Variants in CPA6 observed in about 807,000 individuals in gnomAD.
The protein encoded by CPA6 is carboxypeptidase B.
In CPA6, 58 loss-of-function variants were observed where a neutral mutation model predicts 63.3. The ratio of observed to expected loss-of-function variants is 0.92; its 90% CI spans 0.74 to 1.14. The LOEUF is 1.14. Among genes scored for constraint, CPA6 ranks in the 50% most tolerant of loss-of-function variants. The pLI, the probability that CPA6 is intolerant of heterozygous loss-of-function variation, is 0.00. For synonymous variants in CPA6, 185 were observed against 179.0 expected, an observed-to-expected ratio of 1.03 and a Z score of -0.27; for missense variants, 565 against 526.6, an observed-to-expected ratio of 1.07 and a Z score of -0.71.
chr8:67,709,170 G>A (rs1421958343), intron 1 of CPA6, among the ~76,000 whole-genome samples: 2 of 152,146 alleles, frequency 1.3e-5, no homozygotes, highest in African/African-American at 4.8e-5. Flanking sequence ...CACTGCGTAT[G>A]CGGCCCCTGT....
rs1252511446 is a variant in CPA6, at chr8:67,434,202, A to G, written c.877T>C (p.Cys293Arg). Residue 293 changes from cysteine (C) to arginine (R), a missense_variant, in exon 9 of 11, where the codon TGT becomes CGT. Cys to Arg is a radical substitution (Grantham distance 180). Transcript: ENST00000297770. ...GGCTCAGATTCTGGAAAAGGGCCAC[A>G]GTATGTGTCATCACAAGGGTGCATA... ...ASMHPCDDTY[C>R]GPFPESEPEV... 13 of 1,614,068 alleles carry G rather than the reference A, an allele frequency of 8.1e-6. No homozygotes were observed. Among genetic ancestry groups the G allele is most frequent in the Non-Finnish European group, 1.1e-5 (13 of 1,180,050 alleles).
chr8:67,646,524 T>C (rs776541290), intron 1 of CPA6, among the ~76,000 whole-genome samples: 1 of 151,998 alleles, frequency 6.6e-6, no homozygotes, highest in Non-Finnish European at 1.5e-5. Flanking sequence ...TGCTGTGGAG[T>C]TGTCAAGGAG....
At position 67,453,607 on chromosome 8, in the gene CPA6, A is replaced by G. The variant is rs1810605084; in HGVS notation, c.839-19367T>C. Reference sequence around the variant, plus strand: ...AAGGGAATGAATGTAGATAGAGAAGAGAAAAAGACAAAGGCTGAACCCTGG... The same window carrying G: ...AAGGGAATGAATGTAGATAGAGAAGGGAAAAAGACAAAGGCTGAACCCTGG... On this transcript the variant is annotated intron_variant, in intron 8 of 10. Transcript: ENST00000297770. 2.0e-5 allele frequency among the ~76,000 whole-genome samples: 3 copies of G among 152,316 alleles called. No homozygotes were observed. In the South Asian group the frequency reaches 6.2e-4, roughly 32 times the overall value.
At chr8:67,688,583 T>A (rs1303008011) in intron 1 of CPA6, among the ~76,000 whole-genome samples, 1 of 152,162 alleles carries the variant, frequency 6.6e-6, no homozygotes, top group African/African-American at 2.4e-5. Flanking sequence ...GCTATATCAT[T>A]AATGCTGAGG....
chr8:67,535,818 C>G (rs1318786158), intron 2 of CPA6, among the ~76,000 whole-genome samples: 5 of 152,102 alleles, frequency 3.3e-5, no homozygotes, highest in African/African-American at 4.8e-5. Flanking sequence ...AGGTTTTCTT[C>G]TAGGGTTTTT....
chr8:67,528,559 T>C (rs879730788), intron 2 of CPA6, among the ~76,000 whole-genome samples: 1 of 152,138 alleles, frequency 6.6e-6, no homozygotes, highest in Non-Finnish European at 1.5e-5. Flanking sequence ...AGTCTAGACA[T>C]AGACCCTCCA....
chr8:67,552,076 TTC>T (rs1400084875), intron 2 of CPA6, among the ~76,000 whole-genome samples: 1 of 152,334 alleles, frequency 6.6e-6, no homozygotes, highest in African/African-American at 2.4e-5. Context: ...TGTTAAAAAA[TTC>T]TCTTAGTTCT....
chr8:67,539,461 A>G lies in CPA6; in HGVS notation c.193-21414T>C, dbSNP rs567424053. 2.6e-5 allele frequency among the ~76,000 whole-genome samples: 4 copies of G among 152,228 alleles called. No individual in the cohort carries two copies. In the East Asian group the frequency reaches 7.7e-4, roughly 29 times the overall value. On this transcript the variant is annotated intron_variant, in intron 2 of 10. Transcript: ENST00000297770. ...CTTGATTTCAACCTTGGTGAATCTG[A>G]CAATTATGTGTCTTGGGGTAGCTCT...
intron 8 of CPA6, among the ~76,000 whole-genome samples, chr8:67,453,683 T>C (rs961702257): frequency 6.6e-6 from 1 of 151,104 alleles, no homozygotes; most frequent in Admixed American, 6.6e-5. Flanking sequence ...CAAAATAGAT[T>C]TGGCGTCTTC....
chr8:67,672,173 G>A (rs1816362719), intron 1 of CPA6, among the ~76,000 whole-genome samples: 1 of 152,042 alleles, frequency 6.6e-6, no homozygotes, highest in African/African-American at 2.4e-5. Context: ...TTCATTATCA[G>A]TTTAATGGCA....
chr8:67,546,977 A>G (rs1056347974), intron 2 of CPA6, among the ~76,000 whole-genome samples: 8 of 152,222 alleles, frequency 5.3e-5, no homozygotes, highest in African/African-American at 1.9e-4. Context: ...GGTGTGAGCC[A>G]CTGCACCCAG....
intron 1 of CPA6, among the ~76,000 whole-genome samples, chr8:67,696,697 A>G (rs1319487272): frequency 6.6e-6 from 1 of 151,538 alleles, no homozygotes; most frequent in Non-Finnish European, 1.5e-5. Flanking sequence ...GGATTGAACA[A>G]GCTACAAATA....
chr8:67,517,038 C>T (rs771436840), intron 3 of CPA6, among the ~76,000 whole-genome samples: 1 of 152,148 alleles, frequency 6.6e-6, no homozygotes, highest in African/African-American at 2.4e-5. Context: ...CTCAGGTGAT[C>T]TGACCACCTC....
At chr8:67,592,079 G>C (rs1814143503) in intron 2 of CPA6, among the ~76,000 whole-genome samples, 1 of 152,162 alleles carries the variant, frequency 6.6e-6, no homozygotes, top group African/African-American at 2.4e-5. Context: ...CCAATTTATT[G>C]AGAGTTTTTA....
At chr8:67,524,009 A>C (rs1449330980) in intron 2 of CPA6, among the ~76,000 whole-genome samples, 1 of 152,230 alleles carries the variant, frequency 6.6e-6, no homozygotes, top group Non-Finnish European at 1.5e-5. Flanking sequence ...CTTGATATCA[A>C]GTTTGTCTTC....
intron 2 of CPA6, among the ~76,000 whole-genome samples, chr8:67,607,109 C>T (rs1314118177): frequency 4.1e-5 from 2 of 48,462 alleles, no homozygotes; most frequent in Admixed American, 2.6e-4. Context: ...TTCTTCTTTC[C>T]TCCTCCTCCT....
intron 6 of CPA6, among the ~76,000 whole-genome samples, chr8:67,491,251 A>C (rs1042673837): frequency 9.3e-6 from 1 of 107,128 alleles, no homozygotes; most frequent in African/African-American, 3.6e-5. Context: ...TTCAAAGGGG[A>C]GCTTAATCTA....
intron 2 of CPA6, among the ~76,000 whole-genome samples, chr8:67,565,162 TTTTC>T (rs1168253549): frequency 9.6e-5 from 11 of 114,476 alleles, no homozygotes. Context: ...GCGTTTTTCT[TTTTC>T]TTTCTTTTTT....
intron 2 of CPA6, among the ~76,000 whole-genome samples, chr8:67,533,722 C>T (rs1812525352): frequency 1.3e-5 from 2 of 152,228 alleles, no homozygotes; most frequent in Admixed American, 6.5e-5. Context: ...AAACCTCTTT[C>T]AATAGTGTTC....
Sources: allele counts gnomAD v4.1 joint callset (sites outside exome capture counted in the v4.1 genomes callset), GRCh38; gene constraint gnomAD v4.1.1; transcripts MANE v1.5; gene names NCBI Gene and HGNC (gene_info 2026-07-23, HGNC 2026-07-21).